Variants in CACNG6 observed in about 807,000 individuals in gnomAD.
The protein encoded by CACNG6 is voltage-dependent calcium channel gamma-6 subunit.
A neutral mutation model predicts 23.9 loss-of-function variants in CACNG6; 21 were observed. That is an observed-to-expected ratio of 0.88 (90% confidence interval 0.62 to 1.26). CACNG6 has a LOEUF of 1.26. CACNG6 is among the 50% of genes most tolerant of loss of function. CACNG6 has a pLI of 0.00. For missense variants in CACNG6, 340 were observed against 352.9 expected (o/e 0.96, Z 0.29); for synonymous variants, 182 against 168.9 (o/e 1.08, Z -0.60).
rs2069726839 is a variant in CACNG6 at position 54,012,253 on chromosome 19, A to T, written c.*64A>T. 3 of 727,086 alleles carry T rather than the reference A, an allele frequency of 4.1e-6. No individual in the cohort carries two copies. In the East Asian group the frequency reaches 9.0e-5, roughly 22 times the overall value. 45.0% of individuals were successfully genotyped at this position (727,086 alleles called of 1,614,324 possible). A position where few individuals can be genotyped will look rare whatever the true frequency, so the allele number is the denominator to read the frequency against. Reference sequence around the variant, plus strand: ...TTTGACCTTCTCCATTGTACCCCCAAGATCTTTTTGCCCCATCTCCTAGAG... The same window carrying T: ...TTTGACCTTCTCCATTGTACCCCCATGATCTTTTTGCCCCATCTCCTAGAG... On this transcript the variant is annotated 3_prime_UTR_variant, in exon 4 of 4. Coordinates refer to ENST00000252729, the MANE Select transcript of CACNG6 (RefSeq NM_145814.2).
chr19:54,011,361 G>A (rs1390839370), intron 3 of CACNG6, among the ~76,000 whole-genome samples: 2 of 146,272 alleles, frequency 1.4e-5, no homozygotes, highest in African/African-American at 5.1e-5. Flanking sequence ...GAATCAGGAG[G>A]CGGAGTTTGC....
At position 53,992,678 on chromosome 19, in the gene CACNG6, A is replaced by G. The variant is rs3810244; in HGVS notation, c.-200A>G. The G allele has an allele frequency of 0.67, 251,477 of 374,080 alleles. 84,908 individuals carry two copies. The highest frequency in any genetic ancestry group is 0.74 in the African/African-American group (35,257 of 47,518). 23.2% of individuals were successfully genotyped at this position (374,080 alleles called of 1,614,324 possible). A position where few individuals can be genotyped will look rare whatever the true frequency, so the allele number is the denominator to read the frequency against. ...AGAGGCTTCCCCAGCCCTGGGGATCATTTTTCTCTTCTGAACCCCAGAAGC... is the reference window on the plus strand; with the variant it reads ...AGAGGCTTCCCCAGCCCTGGGGATCGTTTTTCTCTTCTGAACCCCAGAAGC... On this transcript the variant is annotated 5_prime_UTR_variant, in exon 1 of 4. Coordinates refer to ENST00000252729, the MANE Select transcript of CACNG6 (RefSeq NM_145814.2). The surrounding 1 kb of genome is among the most constrained non-coding windows in gnomAD (Gnocchi z 4.1).
Position 53,992,804 on chromosome 19 carries a change from G to A in CACNG6, c.-74G>A. On this transcript the variant is annotated 5_prime_UTR_variant, in exon 1 of 4. Coordinates refer to ENST00000252729, the MANE Select transcript of CACNG6 (RefSeq NM_145814.2). The surrounding 1 kb of genome is among the most constrained non-coding windows in gnomAD (Gnocchi z 4.1). ...CTCACCCCCTTCAAGACCCCAGGCC[G>A]CTCCTCGCTCCCGCCCCTCGAGGCC... 3 of 1,064,470 alleles carry A rather than the reference G, an allele frequency of 2.8e-6. No individual in the cohort carries two copies. The highest frequency in any genetic ancestry group is 2.5e-6 in the Non-Finnish European group (2 of 793,650). 65.9% of individuals were successfully genotyped at this position (1,064,470 alleles called of 1,614,324 possible). A position where few individuals can be genotyped will look rare whatever the true frequency, so the allele number is the denominator to read the frequency against.
intron 2 of CACNG6, 82 bp downstream of exon 2, chr19:53,998,395 C>G (rs2069542771): frequency 7.9e-7 from 1 of 1,259,878 alleles, no homozygotes; most frequent in African/African-American, 1.5e-5. Flanking sequence ...GAGTTATCCC[C>G]TCCTCTGCTT....
intron 3 of CACNG6, among the ~76,000 whole-genome samples, chr19:54,001,041 T>G (rs1228585276): frequency 6.6e-6 from 1 of 152,138 alleles, no homozygotes; most frequent in Non-Finnish European, 1.5e-5. Flanking sequence ...CAGGCTGGAG[T>G]GCAGTGGCAC....
At chr19:54,001,917 A>G (rs144258127) in intron 3 of CACNG6, among the ~76,000 whole-genome samples, 2 of 152,098 alleles carry the variant, frequency 1.3e-5, no homozygotes, top group Non-Finnish European at 1.5e-5. Context: ...ACCTTTTTCT[A>G]TCTCTGAGCT....
chr19:53,998,076 T>C (rs2069538386), intron 1 of CACNG6, among the ~76,000 whole-genome samples, 163 bp from the exon 2 acceptor site: 1 of 152,006 alleles, frequency 6.6e-6, no homozygotes, highest in African/African-American at 2.4e-5. Context: ...GGCAGTGTGG[T>C]CGCAGGTGGC....
intron 2 of CACNG6, among the ~76,000 whole-genome samples, 187 bp downstream of exon 2, chr19:53,998,500 TC>T (rs2069544171): frequency 5.6e-5 from 8 of 141,596 alleles, no homozygotes; most frequent in Admixed American, 2.3e-4. Context: ...CTCTAGAGAA[TC>T]TAGAGAACTC....
chr19:54,002,407 C>T (rs2069589805), intron 3 of CACNG6, among the ~76,000 whole-genome samples: 1 of 150,752 alleles, frequency 6.6e-6, no homozygotes, highest in African/African-American at 2.4e-5. Context: ...GTATGAGCCA[C>T]CAAGCCCGGC....
In CACNG6 at chr19:53,991,929, C is replaced by T; in HGVS notation, c.-949C>T. On this transcript the variant is annotated 5_prime_UTR_variant, in exon 1 of 4. Transcript: ENST00000252729. ...AGTCCTGGTTTTCCGAGCCGCAGTGCGGACCACAGCCCCATAGTGTGAGCC... is the reference window on the plus strand; with the variant it reads ...AGTCCTGGTTTTCCGAGCCGCAGTGTGGACCACAGCCCCATAGTGTGAGCC... 6.6e-6 allele frequency among the ~76,000 whole-genome samples: 1 copy of T among 152,084 alleles called. No individual in the cohort carries two copies. Among genetic ancestry groups the T allele is most frequent in the Non-Finnish European group, 1.5e-5 (1 of 67,990 alleles).
Position 53,999,362 on chromosome 19 carries a change from C to T in CACNG6, c.407-272C>T, listed in dbSNP as rs553637690. On this transcript the variant is annotated intron_variant, in intron 2 of 3. Transcript: ENST00000252729. ...TTCCTCAACTGTAAACCAGTGGTAACCAGATCCTAAGTAATAGTTGGTAAT... is the reference window on the plus strand; with the variant it reads ...TTCCTCAACTGTAAACCAGTGGTAATCAGATCCTAAGTAATAGTTGGTAAT... 1.5e-4 allele frequency among the ~76,000 whole-genome samples: 23 copies of T among 152,338 alleles called. No individual in the cohort carries two copies. The South Asian group carries it at 3.3e-3, about 22-fold the overall frequency.
intron 3 of CACNG6, among the ~76,000 whole-genome samples, chr19:54,009,619 T>C (rs1049638060): frequency 2.6e-5 from 4 of 152,058 alleles, no homozygotes; most frequent in Admixed American, 2.6e-4. Flanking sequence ...TCTACCTTAC[T>C]TGCCGCCCTG....
intron 1 of CACNG6, among the ~76,000 whole-genome samples, 171 bp downstream of exon 1, chr19:53,993,379 C>T (rs1211707527): frequency 6.6e-6 from 1 of 152,092 alleles, no homozygotes; most frequent in African/African-American, 2.4e-5. Flanking sequence ...TCAGAAACTG[C>T]TGAGAGATAG....
rs138464456 is a variant in CACNG6, at chr19:54,002,267, G to GTTTT, written c.544+2500_544+2503dup. Among the ~76,000 whole-genome samples, 415 of 131,870 alleles carry GTTTT rather than the reference G, an allele frequency of 3.1e-3. 36 individuals carry two copies. Among genetic ancestry groups the GTTTT allele is most frequent in the African/African-American group, 0.013 (388 of 30,018 alleles). The allele number at this position is 131,870 out of a possible 152,430, so 86.5% of individuals were successfully genotyped here. ...TGCCGCCAAGCCCGGCTAATTTTCG[G>GTTTT]TTTTTTTGTTTTTTTTGTTTTTTTT... On this transcript the variant is annotated intron_variant, in intron 3 of 3. Transcript: ENST00000252729.
At chr19:54,010,495 G>GA (rs933370693) in intron 3 of CACNG6, among the ~76,000 whole-genome samples, 2 of 151,676 alleles carry the variant, frequency 1.3e-5, no homozygotes, top group Non-Finnish European at 2.9e-5. Flanking sequence ...TTTGCTTTAA[G>GA]AAAAAAAAGT....
At chr19:54,011,205 A>ATATATATATATATATATAT (rs1555819786) in intron 3 of CACNG6, among the ~76,000 whole-genome samples, 1 of 102,546 alleles carries the variant, frequency 9.8e-6, no homozygotes, top group Non-Finnish European at 1.7e-5. Flanking sequence ...AAAAAAAAAA[A>ATATATATATATATATATAT]ATATATATAT....
At chr19:54,004,336 TGTGTGTGTGTGTGTGTGTGTGTGTG>T (rs2069613773) in intron 3 of CACNG6, among the ~76,000 whole-genome samples, 1 of 29,690 alleles carries the variant, frequency 3.4e-5, no homozygotes, top group African/African-American at 5.3e-5. Flanking sequence ...TTTGTATTTT[TGTGTGTGTGTGTGTGTGTGTGTGTG>T]TGTGTGTGTG....
intron 3 of CACNG6, among the ~76,000 whole-genome samples, chr19:54,009,710 G>C (rs573990815): frequency 9.9e-5 from 15 of 151,724 alleles, no homozygotes; most frequent in African/African-American, 3.4e-4. Context: ...CTATCTCCAA[G>C]TAATATATAA....
chr19:53,995,651 G>A (rs1009686014), intron 1 of CACNG6, among the ~76,000 whole-genome samples: 4 of 152,222 alleles, frequency 2.6e-5, no homozygotes, highest in African/African-American at 7.2e-5. Context: ...GCTCAGTGAC[G>A]TGAAGCACCC....
Sources: gnomAD v4.1 joint callset for allele counts (sites outside exome capture counted in the v4.1 genomes callset) on GRCh38, gnomAD v4.1.1 for gene constraint, Gnocchi (gnomAD v3.1) non-coding constraint, MANE v1.5 for transcripts, NCBI Gene and HGNC (gene_info 2026-07-23, HGNC 2026-07-21) for gene names.